The following LRRC7 variants were observed in gnomAD, a reference collection of about 807,000 sequenced individuals.
LRRC7 encodes the protein leucine rich repeat containing 7.
LRRC7 carries 23 observed loss-of-function variants against 175.7 expected under a neutral mutation model. The ratio of observed to expected loss-of-function variants is 0.13; its 90% CI spans 0.09 to 0.19. The LOEUF (loss-of-function observed/expected upper bound fraction) is 0.19, where lower values mean the gene tolerates loss of function less well. Ranked by LOEUF, LRRC7 falls within the 10% of genes least tolerant of loss-of-function variation. The pLI is 1.00. For missense variants in LRRC7, 1,354 were observed against 1,904.7 expected, an observed-to-expected ratio of 0.71 and a Z score of 5.38; for synonymous variants, 685 against 680.9, an observed-to-expected ratio of 1.01 and a Z score of -0.09.
chr1:70,009,504 CAA>C (rs1401041870), intron 11 of LRRC7, among the ~76,000 whole-genome samples: 1 of 151,812 alleles, frequency 6.6e-6, no homozygotes, highest in Non-Finnish European at 1.5e-5. Context: ...TGAGGGGCCT[CAA>C]AGGATGTTGA....
chr1:69,875,715 T>A (rs973071359), intron 7 of LRRC7, among the ~76,000 whole-genome samples: 7 of 151,888 alleles, frequency 4.6e-5, no homozygotes, highest in East Asian at 1.9e-4. Context: ...ATATACTTTT[T>A]AAAAAAAACA....
At chr1:69,676,025 A>G (rs1000078436) in intron 1 of LRRC7, among the ~76,000 whole-genome samples, 8 of 151,876 alleles carry the variant, frequency 5.3e-5, no homozygotes, top group Non-Finnish European at 1.0e-4. Flanking sequence ...ACACACACAC[A>G]CACACACACA....
chr1:69,924,945 A>T (rs917171019), intron 7 of LRRC7, among the ~76,000 whole-genome samples: 1 of 152,122 alleles, frequency 6.6e-6, no homozygotes, highest in Admixed American at 6.6e-5. Flanking sequence ...TTTGTCATAG[A>T]TAGCTCTTAT....
At chr1:69,636,456 C>T (rs1653382432) in intron 1 of LRRC7, among the ~76,000 whole-genome samples, 2 of 151,526 alleles carry the variant, frequency 1.3e-5, no homozygotes, top group South Asian at 2.1e-4. Flanking sequence ...GAGACAGATA[C>T]ATTTTGTAGT....
At chr1:70,091,204 T>A (rs566147977) in intron 25 of LRRC7, among the ~76,000 whole-genome samples, 2 of 152,174 alleles carry the variant, frequency 1.3e-5, no homozygotes, top group Non-Finnish European at 2.9e-5. Flanking sequence ...GAGGATACCA[T>A]TGATTTATTA....
At chr1:70,058,044 C>G (rs1276374598) in intron 23 of LRRC7, among the ~76,000 whole-genome samples, 2 of 146,702 alleles carry the variant, frequency 1.4e-5, no homozygotes, top group East Asian at 2.0e-4. Context: ...GAGTCTTGCT[C>G]TGTCACCCAG....
chr1:69,885,808 T>G (rs1261080089), intron 7 of LRRC7, among the ~76,000 whole-genome samples: 1 of 143,004 alleles, frequency 7.0e-6, no homozygotes, highest in African/African-American at 2.7e-5. Flanking sequence ...GAGATTCTGG[T>G]ATGTTGTGTC....
chr1:70,140,912 G>A lies in LRRC7; in HGVS notation c.*19025G>A, dbSNP rs548525078. 5.9e-5 allele frequency among the ~76,000 whole-genome samples: 9 copies of A among 152,184 alleles called. No individual in the cohort carries two copies. The highest frequency in any genetic ancestry group is 3.9e-4 in the East Asian group (2 of 5,178). On this transcript the variant is annotated 3_prime_UTR_variant, in exon 27 of 27. Coordinates refer to ENST00000651989, the MANE Select transcript of LRRC7 (RefSeq NM_001370785.2). The stretch of plus-strand genomic sequence containing the variant: ...GACAAGGACCACTGGGAGCAGCATC[G>A]AGAAGCAACTTTCAGTCATTTTTCT...
chr1:69,604,552 G>C (rs1647234732), intron 1 of LRRC7, among the ~76,000 whole-genome samples: 1 of 152,096 alleles, frequency 6.6e-6, no homozygotes, highest in African/African-American at 2.4e-5. Context: ...TGGTCTATTG[G>C]ATTAGCTCTA....
In LRRC7 at chr1:69,947,842, A is replaced by G. The variant is rs144239071; in HGVS notation, c.711+16272A>G. 3.3e-3 allele frequency among the ~76,000 whole-genome samples: 500 copies of G among 152,290 alleles called. 1 individual carries two copies. The highest frequency in any genetic ancestry group is 0.011 in the African/African-American group (452 of 41,572). ...TATAAATTAGGCACAATAAAAGACT[A>G]ACAGCAATAACTAATAATAAAATAG... On this transcript the variant is annotated intron_variant, in intron 8 of 26. Transcript: ENST00000651989.
In LRRC7 at chr1:69,781,755, G is replaced by A. The variant is rs201231489; in HGVS notation, c.304-10288G>A. Among the ~76,000 whole-genome samples, 234 of 43,246 alleles carry A rather than the reference G, an allele frequency of 5.4e-3. 22 individuals carry two copies. Among genetic ancestry groups the A allele is most frequent in the East Asian group, 0.013 (13 of 978 alleles). The allele number at this position is 43,246 out of a possible 152,430, so 28.4% of individuals were successfully genotyped here. A position where few individuals can be genotyped will look rare whatever the true frequency, so the allele number is the denominator to read the frequency against. ...AGAAAGAGAGAGAGAGAGAGAGAGA[G>A]AGAGAGAGAGAAAGAAAGAAAGAAA... On this transcript the variant is annotated intron_variant, in intron 3 of 26. Coordinates refer to ENST00000651989, the MANE Select transcript of LRRC7 (RefSeq NM_001370785.2).
rs1662232191 is a variant in LRRC7 at position 70,069,579 on chromosome 1, G to GCTTC, written c.4231-6497_4231-6494dup. 2.0e-5 allele frequency among the ~76,000 whole-genome samples: 3 copies of GCTTC among 152,204 alleles called. No individual in the cohort carries two copies. The South Asian group carries it at 6.2e-4, about 32-fold the overall frequency. On this transcript the variant is annotated intron_variant, in intron 23 of 26. Transcript: ENST00000651989. The stretch of plus-strand genomic sequence containing the variant: ...TGCTTCTTGAATCTCCTTCTTGCTT[G>GCTTC]CTTCTTGAATTTCCTTCTTGCTTGC...
chr1:69,701,453 C>T (rs1180277453), intron 2 of LRRC7, among the ~76,000 whole-genome samples: 1 of 152,138 alleles, frequency 6.6e-6, no homozygotes, highest in Non-Finnish European at 1.5e-5. Context: ...CATACTTGCT[C>T]ATTGAATGAC....
At chr1:70,070,157 C>T (rs990203180) in intron 23 of LRRC7, among the ~76,000 whole-genome samples, 11 of 152,032 alleles carry the variant, frequency 7.2e-5, no homozygotes, top group Admixed American at 3.3e-4. Context: ...CCACACCTGG[C>T]TAATTTTTTG....
intron 1 of LRRC7, among the ~76,000 whole-genome samples, chr1:69,656,644 T>C (rs1187300153): frequency 6.6e-6 from 1 of 152,008 alleles, no homozygotes; most frequent in Non-Finnish European, 1.5e-5. Context: ...TTGCAGCATA[T>C]GTTTATTTAA....
intron 2 of LRRC7, among the ~76,000 whole-genome samples, chr1:69,699,348 T>G (rs2100689665): frequency 6.6e-6 from 1 of 152,188 alleles, no homozygotes; most frequent in South Asian, 2.1e-4. Context: ...AAAACCATCC[T>G]GGCCAACATG....
Position 70,134,325 on chromosome 1 carries a change from TC to T in LRRC7, c.*12439del, listed in dbSNP as rs558580514. On this transcript the variant is annotated 3_prime_UTR_variant, in exon 27 of 27. Coordinates refer to ENST00000651989, the MANE Select transcript of LRRC7 (RefSeq NM_001370785.2). Reference sequence around the variant, plus strand: ...ACATGTGTCCTCAAGCTATTTTGGTTCTTCTTAGTCATTTGAAATTCCAGGG... The same window carrying T: ...ACATGTGTCCTCAAGCTATTTTGGTTTTCTTAGTCATTTGAAATTCCAGGG... 8.3e-4 allele frequency among the ~76,000 whole-genome samples: 126 copies of T among 152,320 alleles called. No individual in the cohort carries two copies. Among genetic ancestry groups the T allele is most frequent in the African/African-American group, 2.8e-3 (118 of 41,574 alleles).
chr1:69,849,370 G>C (rs1255179812), intron 7 of LRRC7, among the ~76,000 whole-genome samples: 1 of 151,724 alleles, frequency 6.6e-6, no homozygotes, highest in Non-Finnish European at 1.5e-5. Context: ...CTATCTATTG[G>C]CTCTGGATTA....
At chr1:69,795,447 C>T (rs1018927592) in intron 4 of LRRC7, among the ~76,000 whole-genome samples, 3 of 151,644 alleles carry the variant, frequency 2.0e-5, no homozygotes, top group Non-Finnish European at 2.9e-5. Context: ...ATAATACATC[C>T]TTTGGGAATC....
Sources: gnomAD v4.1 joint callset for allele counts (sites outside exome capture counted in the v4.1 genomes callset) on GRCh38, gnomAD v4.1.1 for gene constraint, MANE v1.5 for transcripts, NCBI Gene and HGNC (gene_info 2026-07-23, HGNC 2026-07-21) for gene names.